SLCO1A2: variants seen among roughly 807,000 people sequenced by gnomAD.
SLCO1A2 encodes OATP-1.
SLCO1A2 carries 67 observed loss-of-function variants against 69.0 expected under a neutral mutation model. The observed-to-expected ratio is 0.97, with a 90% confidence interval of 0.80 to 1.19. The LOEUF is 1.19. Ranked by LOEUF, SLCO1A2 falls within the 50% of genes most tolerant of loss-of-function variation. SLCO1A2 has a pLI of 0.00. For missense variants in SLCO1A2, 787 were observed against 793.7 expected (o/e 0.99, Z 0.10); for synonymous variants, 260 against 265.9 (o/e 0.98, Z 0.22).
At chr12:21,395,216 T>C (rs11046013) in exon 1 of SLCO1A2, 89,304 of 153,082 alleles carry the variant, frequency 0.58, 26,242 homozygotes, top group Middle Eastern at 0.73. Context: ...CTTGGGAAGC[T>C]CAAGGGGTCA....
upstream of SLCO1A2, among the ~76,000 whole-genome samples, chr12:21,336,333 C>T (rs1952889474): frequency 6.6e-6 from 1 of 151,946 alleles, no homozygotes; most frequent in African/African-American, 2.4e-5. Context: ...GGTAGTGCCA[C>T]AGAAAATCAC....
chr12:21,322,416 G>T (rs61927780), intron 2 of SLCO1A2, among the ~76,000 whole-genome samples: 1 of 152,218 alleles, frequency 6.6e-6, no homozygotes, highest in East Asian at 1.9e-4. Context: ...GACATAATAC[G>T]TCAGTCAGTA....
At chr12:21,400,502 T>C (rs1041614417) in intron 1 of SLCO1A2, among the ~76,000 whole-genome samples, 1 of 151,820 alleles carries the variant, frequency 6.6e-6, no homozygotes, top group Non-Finnish European at 1.5e-5. Flanking sequence ...AGAAATACCA[T>C]TTGACCCAGC....
At chr12:21,402,136 C>CA (rs1177696706) in intron 1 of SLCO1A2, among the ~76,000 whole-genome samples, 222 of 98,078 alleles carry the variant, frequency 2.3e-3, no homozygotes, top group African/African-American at 3.2e-3. Context: ...TTAAAAAAGA[C>CA]AAAAAAAAAA....
chr12:21,366,524 C>A (rs11614319), intron 2 of SLCO1A2, among the ~76,000 whole-genome samples: 32,352 of 151,760 alleles, frequency 0.21, 4,279 homozygotes, highest in Middle Eastern at 0.31. Context: ...TGCACATGTA[C>A]CCTAGAACCT....
intron 12 of SLCO1A2, among the ~76,000 whole-genome samples, chr12:21,291,070 C>G (rs1946766543): frequency 6.6e-6 from 1 of 152,134 alleles, no homozygotes; most frequent in African/African-American, 2.4e-5. Flanking sequence ...TGCTTAAGCT[C>G]AGTGTATCAG....
At chr12:21,273,424 T>TTGTC (rs1203704040) in intron 14 of SLCO1A2, among the ~76,000 whole-genome samples, 3 of 152,190 alleles carry the variant, frequency 2.0e-5, no homozygotes, top group Admixed American at 6.6e-5. Context: ...CCATGGAGAA[T>TTGTC]TGTCTACCAA....
chr12:21,373,774 C>T (rs1330487208), intron 2 of SLCO1A2: 1 of 677,416 alleles, frequency 1.5e-6, no homozygotes, highest in African/African-American at 1.8e-5. Flanking sequence ...TGAAACAAAC[C>T]AGAGAAACTT....
chr12:21,347,643 T>TGGAAAGAA (rs199836287), intron 2 of SLCO1A2, among the ~76,000 whole-genome samples: 693 of 32,156 alleles, frequency 0.022, 6 homozygotes, highest in Middle Eastern at 0.071. Flanking sequence ...ATTCCAACTC[T>TGGAAAGAA]GGAAAGAAGG....
At chr12:21,364,230 A>G (rs1939184576) in intron 2 of SLCO1A2, among the ~76,000 whole-genome samples, 1 of 152,216 alleles carries the variant, frequency 6.6e-6, no homozygotes, top group Non-Finnish European at 1.5e-5. Context: ...CTGGGATGCA[A>G]GGCTGGTTCA....
chr12:21,341,934 T>TA (rs904296127), intron 2 of SLCO1A2, among the ~76,000 whole-genome samples: 2 of 152,044 alleles, frequency 1.3e-5, no homozygotes, highest in African/African-American at 4.8e-5. Flanking sequence ...TCTGTGTATG[T>TA]ATAAATGAGG....
intron 12 of SLCO1A2, 142 bp downstream of exon 12, chr12:21,292,022 A>G (rs1946937561): frequency 5.9e-6 from 3 of 507,528 alleles, no homozygotes; most frequent in Admixed American, 7.3e-5. Context: ...GTGAAATCCA[A>G]CAATGCTTAA....
intron 10 of SLCO1A2, 32 bp from the exon 11 acceptor site, chr12:21,294,142 TAA>T: frequency 1.4e-6 from 2 of 1,463,360 alleles, no homozygotes; most frequent in South Asian, 1.3e-5. Context: ...CCATAGATAT[TAA>T]AAGAGGATTC....
At position 21,290,312 on chromosome 12, in the gene SLCO1A2, T is replaced by G. The variant is rs150995073; in HGVS notation, c.1610+1852A>C. ...AACTCAGTCAAAATTCTTATGAAGA[T>G]ATAAAGATCCACAGACAGCAAAATA... On this transcript the variant is annotated intron_variant, in intron 12 of 14. Coordinates refer to ENST00000683939, the MANE Select transcript of SLCO1A2 (RefSeq NM_001386879.1). Among the ~76,000 whole-genome samples the G allele has an allele frequency of 4.2e-3, 639 of 152,164 alleles. 8 individuals carry two copies. Among genetic ancestry groups the G allele is most frequent in the African/African-American group, 0.015 (614 of 41,534 alleles).
chr12:21,283,283 C>T (rs1452372370), intron 12 of SLCO1A2, among the ~76,000 whole-genome samples: 1 of 152,064 alleles, frequency 6.6e-6, no homozygotes, highest in Non-Finnish European at 1.5e-5. Flanking sequence ...ATGGTGAACT[C>T]ATTTTTGACA....
chr12:21,349,159 A>G (rs1937730976), intron 2 of SLCO1A2, among the ~76,000 whole-genome samples: 2 of 152,162 alleles, frequency 1.3e-5, no homozygotes, highest in African/African-American at 2.4e-5. Flanking sequence ...TTGTATTACA[A>G]GAGTCACCTC....
intron 14 of SLCO1A2, chr12:21,273,891 A>C (rs1381867124): frequency 1.3e-5 from 2 of 152,252 alleles, no homozygotes; most frequent in Non-Finnish European, 2.9e-5. Flanking sequence ...AAGAGAAGTT[A>C]ATTCAAATTT....
intron 2 of SLCO1A2, among the ~76,000 whole-genome samples, chr12:21,328,687 T>C (rs779055376): frequency 7.9e-5 from 12 of 152,118 alleles, no homozygotes; most frequent in Non-Finnish European, 1.3e-4. Flanking sequence ...TGAACTACCA[T>C]TGGCCTTTGG....
chr12:21,376,797 TTATGCA>T (rs1479333569), intron 1 of SLCO1A2, among the ~76,000 whole-genome samples: 1 of 152,106 alleles, frequency 6.6e-6, no homozygotes, highest in Non-Finnish European at 1.5e-5. Context: ...GAGTCCCAGA[TTATGCA>T]TATCCACTGG....
Sources: allele counts gnomAD v4.1 joint callset (sites outside exome capture counted in the v4.1 genomes callset), GRCh38; gene constraint gnomAD v4.1.1; transcripts MANE v1.5; gene names NCBI Gene and HGNC (gene_info 2026-07-23, HGNC 2026-07-21).